COLEC12: variants seen among roughly 807,000 people sequenced by gnomAD.
COLEC12 encodes the protein collectin-12.
In COLEC12, 33 loss-of-function variants were observed where a neutral mutation model predicts 71.1. The observed-to-expected ratio is 0.46, with a 90% CI of 0.35 to 0.62. COLEC12 has a LOEUF of 0.62. COLEC12 is among the 20% of genes least tolerant of loss of function. The pLI, the probability that COLEC12 is intolerant of heterozygous loss-of-function variation, is 0.00. For synonymous variants in COLEC12, 350 were observed against 353.0 expected, an observed-to-expected ratio of 0.99 and a Z score of 0.10; for missense variants, 765 against 916.1, an observed-to-expected ratio of 0.84 and a Z score of 2.13.
At chr18:348,912 C>T (rs955345735) in intron 3 of COLEC12, among the ~76,000 whole-genome samples, 1 of 152,132 alleles carries the variant, frequency 6.6e-6, no homozygotes. Flanking sequence ...GAATTATACT[C>T]CCCTAATTCC....
chr18:329,905 C>T (rs1036592914), intron 8 of COLEC12, among the ~76,000 whole-genome samples: 8 of 152,088 alleles, frequency 5.3e-5, no homozygotes, highest in East Asian at 3.9e-4. Context: ...TAGTGGACCA[C>T]GTCTATCCAA....
At chr18:379,452 A>G (rs1303969827) in intron 2 of COLEC12, among the ~76,000 whole-genome samples, 1 of 152,134 alleles carries the variant, frequency 6.6e-6, no homozygotes, top group Non-Finnish European at 1.5e-5. Flanking sequence ...AACAAGCAGA[A>G]AGGTCTGTTT....
chr18:435,432 C>T (rs1038958804), intron 2 of COLEC12, among the ~76,000 whole-genome samples: 2 of 152,076 alleles, frequency 1.3e-5, no homozygotes, highest in Admixed American at 1.3e-4. Context: ...CACCAGATCT[C>T]GTGAGATGCA....
rs1360943403 is a variant in COLEC12, at chr18:480,283, TC to T, written c.58+423del. ...ACAGAGCCCCTGTGTCCAGGCAGAT[TC>T]TTGGAAGAAGTCTCCCTCTCACTCA... On this transcript the variant is annotated intron_variant, in intron 2 of 9. Coordinates refer to ENST00000400256, the MANE Select transcript of COLEC12 (RefSeq NM_130386.3). This position sits in a 1 kb window ranked among gnomAD's most constrained non-coding sequence, Gnocchi z 4.1. Among the ~76,000 whole-genome samples the T allele has an allele frequency of 6.6e-6, 1 of 152,238 alleles. No homozygotes were observed. The highest frequency in any genetic ancestry group is 1.5e-5 in the Non-Finnish European group (1 of 68,042).
At chr18:423,718 A>T (rs1232046377) in intron 2 of COLEC12, 1 of 152,250 alleles carries the variant, frequency 6.6e-6, no homozygotes, top group Non-Finnish European at 1.5e-5. Flanking sequence ...GTCTGATAGT[A>T]AGAACGACTT....
rs543939827 is a variant in COLEC12, at chr18:322,523, T to A, written c.2064-716A>T. On this transcript the variant is annotated intron_variant, in intron 8 of 9. Transcript: ENST00000400256. ...TGGGGCTTCTTAACTTGGATGCTGCTGCTCAGAACAGCACCTTGCCATGGA... is the reference window on the plus strand; with the variant it reads ...TGGGGCTTCTTAACTTGGATGCTGCAGCTCAGAACAGCACCTTGCCATGGA... 5.9e-5 allele frequency among the ~76,000 whole-genome samples: 9 copies of A among 152,342 alleles called. No homozygotes were observed. The South Asian group carries it at 1.9e-3, about 32-fold the overall frequency.
Position 346,540 on chromosome 18 carries a change from G to T in COLEC12, c.1082C>A (p.Thr361Asn). ...SYTAHHLRTL[T>N]SNLNEVRTTC... ...GGTCCTGACTTCATTTAGATTGCTG[G>T]TCAGCGTCCGCAGGTGGTGGGCTGT... The change falls in exon 5 of 10, where the codon ACC (threonine) becomes AAC (asparagine). Residue 361 changes from threonine to asparagine, a missense_variant. Thr to Asn is a moderately conservative substitution (Grantham distance 65). Coordinates refer to ENST00000400256, the MANE Select transcript of COLEC12 (RefSeq NM_130386.3). The surrounding 1 kb of genome is among the most constrained non-coding windows in gnomAD (Gnocchi z 4.0). The T allele has an allele frequency of 6.2e-7, 1 of 1,614,156 alleles. No homozygotes were observed. The highest frequency in any genetic ancestry group is 1.1e-5 in the South Asian group (1 of 91,080).
chr18:481,444 G>C (rs984717253), intron 1 of COLEC12, among the ~76,000 whole-genome samples: 1 of 152,166 alleles, frequency 6.6e-6, no homozygotes, highest in Non-Finnish European at 1.5e-5. Context: ...GTGGCTCATG[G>C]CTGTAATCCC....
chr18:493,840 A>G (rs192542443), intron 1 of COLEC12, among the ~76,000 whole-genome samples: 2 of 152,240 alleles, frequency 1.3e-5, no homozygotes, highest in Non-Finnish European at 2.9e-5. Flanking sequence ...TTATACATAC[A>G]TCTGTCCGAA....
intron 6 of COLEC12, 123 bp from the exon 7 acceptor site, chr18:333,266 G>A (rs910161258): frequency 7.9e-6 from 6 of 760,528 alleles, no homozygotes; most frequent in African/African-American, 3.5e-5. Flanking sequence ...GTCCCTGCAC[G>A]AGGCCCACAG....
At position 346,808 on chromosome 18, in the gene COLEC12, T is replaced by C; in HGVS notation, c.814A>G (p.Asn272Asp). The change falls in exon 5 of 10, where the codon AAC becomes GAC. Residue 272 changes from asparagine to aspartate, a missense_variant. Asn to Asp is a conservative substitution (Grantham distance 23). Transcript: ENST00000400256. The surrounding 1 kb of genome is among the most constrained non-coding windows in gnomAD (Gnocchi z 4.0). Reference protein sequence around the residue: ...VQSLQTLAANNSALAKANNDT... With the variant: ...VQSLQTLAANDSALAKANNDT... ...TTGTTGGCTTTGGCCAACGCAGAGT[T>C]GTTGGCAGCCAGCGTCTGCAAGCTC... 1 of 1,614,158 alleles carries C rather than the reference T, an allele frequency of 6.2e-7. No individual in the cohort carries two copies. The highest frequency in any genetic ancestry group is 8.5e-7 in the Non-Finnish European group (1 of 1,179,964).
intron 2 of COLEC12, among the ~76,000 whole-genome samples, chr18:374,238 C>A (rs1444119356): frequency 6.6e-6 from 1 of 152,126 alleles, no homozygotes; most frequent in Non-Finnish European, 1.5e-5. Flanking sequence ...TTCTAAGAGA[C>A]CATAATTTAT....
chr18:359,897 C>T (rs1914707091), intron 2 of COLEC12, among the ~76,000 whole-genome samples: 1 of 152,218 alleles, frequency 6.6e-6, no homozygotes, highest in South Asian at 2.1e-4. Context: ...TAGTGCCCTT[C>T]TTCAGTGAAA....
chr18:375,532 G>A (rs1413020699), intron 2 of COLEC12, among the ~76,000 whole-genome samples: 1 of 152,110 alleles, frequency 6.6e-6, no homozygotes, highest in African/African-American at 2.4e-5. Flanking sequence ...TGTTGCCCAG[G>A]CTGGAGTGCA....
intron 1 of COLEC12, among the ~76,000 whole-genome samples, chr18:489,326 G>A (rs972021477): frequency 1.3e-5 from 2 of 152,156 alleles, no homozygotes; most frequent in Non-Finnish European, 2.9e-5. Flanking sequence ...CAGACCAGCA[G>A]AATCCCCAAA....
At chr18:368,734 C>G (rs539981748) in intron 2 of COLEC12, among the ~76,000 whole-genome samples, 3 of 152,148 alleles carry the variant, frequency 2.0e-5, no homozygotes, top group Non-Finnish European at 2.9e-5. Flanking sequence ...GGCGTGGTGG[C>G]GGGCGCCTGT....
Position 363,220 on chromosome 18 carries a change from G to A in COLEC12, c.59-5698C>T, listed in dbSNP as rs901320377. On this transcript the variant is annotated intron_variant, in intron 2 of 9. Coordinates refer to ENST00000400256, the MANE Select transcript of COLEC12 (RefSeq NM_130386.3). ...CAGTCTCAATCCAGTCTGTTTTTCCGATCTTTTTGCAGAAAAAAAAAGAGT... is the reference window on the plus strand; with the variant it reads ...CAGTCTCAATCCAGTCTGTTTTTCCAATCTTTTTGCAGAAAAAAAAAGAGT... Among the ~76,000 whole-genome samples, 5 of 151,950 alleles carry A rather than the reference G, an allele frequency of 3.3e-5. No homozygotes were observed. In the East Asian group the frequency reaches 7.7e-4, roughly 23 times the overall value.
rs1292367057 is a variant in COLEC12, at chr18:371,465, C to G, written c.59-13943G>C. ...AAATCACGGAAGAGAAATGTTTATC[C>G]AAGTGGAGCTGGAAAAGCCAGGACT... On this transcript the variant is annotated intron_variant, in intron 2 of 9. Coordinates refer to ENST00000400256, the MANE Select transcript of COLEC12 (RefSeq NM_130386.3). 2.6e-5 allele frequency among the ~76,000 whole-genome samples: 4 copies of G among 152,072 alleles called. No individual in the cohort carries two copies. The East Asian group carries it at 5.8e-4, about 22-fold the overall frequency.
intron 2 of COLEC12, among the ~76,000 whole-genome samples, chr18:413,448 A>C (rs1054608240): frequency 1.3e-5 from 2 of 152,248 alleles, no homozygotes; most frequent in African/African-American, 4.8e-5. Flanking sequence ...GCAGTTTCTA[A>C]AACAATGGAA....
Sources: gnomAD v4.1 joint callset for allele counts (sites outside exome capture counted in the v4.1 genomes callset) on GRCh38, gnomAD v4.1.1 for gene constraint, Gnocchi (gnomAD v3.1) non-coding constraint, MANE v1.5 for transcripts, NCBI Gene and HGNC (gene_info 2026-07-23, HGNC 2026-07-21) for gene names.